Variants in TAS2R1 observed in about 807,000 individuals in gnomAD.
The protein encoded by TAS2R1 is taste 2 receptor member 1.
For missense variants in TAS2R1, 370 were observed against 353.4 expected (o/e 1.05, Z -0.38); for synonymous variants, 141 against 134.2 (o/e 1.05, Z -0.35).
chr5:9,841,830 T>C, the TAS2R1 span, among the ~76,000 whole-genome samples: 1 of 152,236 alleles, frequency 6.6e-6, no homozygotes, highest in Non-Finnish European at 1.5e-5. Context: ...TGGGATTCTC[T>C]AAACTTGATG....
the TAS2R1 span, among the ~76,000 whole-genome samples, chr5:9,852,268 G>C: frequency 3.3e-5 from 5 of 151,854 alleles, no homozygotes; most frequent in South Asian, 1.0e-3. Context: ...AATTATTGAG[G>C]TCCACTAGTT....
At chr5:9,837,077 C>A in the TAS2R1 span, among the ~76,000 whole-genome samples, 3 of 152,256 alleles carry the variant, frequency 2.0e-5, no homozygotes, top group East Asian at 5.8e-4. Context: ...TTTAATGAGG[C>A]TGAGATGCCA....
At chr5:9,696,115 C>G (rs1298910536) in intron 1 of TAS2R1, among the ~76,000 whole-genome samples, 1 of 151,872 alleles carries the variant, frequency 6.6e-6, no homozygotes, top group Non-Finnish European at 1.5e-5. Context: ...TCTCCTATGA[C>G]CCGGTAGAGT....
At position 9,628,303 on chromosome 5, in the gene TAS2R1, C is replaced by A. The variant is rs571594216; in HGVS notation, c.*830G>T. Among the ~76,000 whole-genome samples, 1 of 152,212 alleles carries A rather than the reference C, an allele frequency of 6.6e-6. No individual in the cohort carries two copies. Among genetic ancestry groups the A allele is most frequent in the Non-Finnish European group, 1.5e-5 (1 of 68,006 alleles). On this transcript the variant is annotated 3_prime_UTR_variant, in exon 1 of 1. Coordinates refer to ENST00000382492, the MANE Select transcript of TAS2R1 (RefSeq NM_019599.3). ...GAAGACAGGCAATGCAGGAGGAGTTCCAAATTACCACTCTGGGTTGAAAGG... is the reference window on the plus strand; with the variant it reads ...GAAGACAGGCAATGCAGGAGGAGTTACAAATTACCACTCTGGGTTGAAAGG...
chr5:9,900,659 C>G, the TAS2R1 span, among the ~76,000 whole-genome samples: 1 of 136,248 alleles, frequency 7.3e-6, no homozygotes, highest in Non-Finnish European at 1.5e-5. Flanking sequence ...CTGGCTCTGT[C>G]GCCCAGGCTG....
intron 1 of TAS2R1, among the ~76,000 whole-genome samples, chr5:9,683,792 C>T (rs1004262486): frequency 3.3e-5 from 5 of 152,184 alleles, no homozygotes; most frequent in African/African-American, 1.2e-4. Flanking sequence ...CTTTCTCCTT[C>T]CCCCAACCCC....
At chr5:9,631,720 T>C (rs1420710939), upstream of TAS2R1, among the ~76,000 whole-genome samples, 2 of 152,254 alleles carry the variant, frequency 1.3e-5, no homozygotes, top group South Asian at 2.1e-4. Context: ...TCATAAAGAA[T>C]ACTTAAGATT....
the TAS2R1 span, among the ~76,000 whole-genome samples, chr5:9,768,354 G>C: frequency 3.9e-5 from 6 of 152,048 alleles, no homozygotes; most frequent in Admixed American, 3.9e-4. Context: ...CCTCCCTAAA[G>C]CCTCTCAGTT....
At chr5:9,802,651 C>T in the TAS2R1 span, among the ~76,000 whole-genome samples, 1 of 152,044 alleles carries the variant, frequency 6.6e-6, no homozygotes, top group Non-Finnish European at 1.5e-5. Flanking sequence ...ACCTGTAATC[C>T]CAGCAATTTC....
intron 2 of TAS2R1, among the ~76,000 whole-genome samples, chr5:9,654,807 G>C (rs1740377467): frequency 6.6e-6 from 1 of 152,150 alleles, no homozygotes; most frequent in African/African-American, 2.4e-5. Flanking sequence ...TTACTGGTGA[G>C]ACTGAAAATA....
intron 1 of TAS2R1, among the ~76,000 whole-genome samples, chr5:9,693,547 A>AAAAAAAAAAG: frequency 7.3e-6 from 1 of 136,744 alleles, no homozygotes; most frequent in Admixed American, 8.2e-5. Flanking sequence ...AAAAAAAAAA[A>AAAAAAAAAAG]AGAGAGAGAA....
the TAS2R1 span, among the ~76,000 whole-genome samples, chr5:9,902,169 A>G: frequency 6.6e-6 from 1 of 152,062 alleles, no homozygotes; most frequent in Non-Finnish European, 1.5e-5. Context: ...ATGCTCTACT[A>G]TTTAGCCTTA....
chr5:9,751,471 T>C, the TAS2R1 span, among the ~76,000 whole-genome samples: 6 of 152,190 alleles, frequency 3.9e-5, no homozygotes, highest in African/African-American at 1.4e-4. Context: ...AATAGAGGTA[T>C]GTAAATCTGA....
chr5:9,884,953 T>A, the TAS2R1 span, among the ~76,000 whole-genome samples: 1 of 152,242 alleles, frequency 6.6e-6, no homozygotes, highest in Non-Finnish European at 1.5e-5. Flanking sequence ...TAAATTAATA[T>A]TTCAGCAAAT....
chr5:9,833,297 G>A, the TAS2R1 span, among the ~76,000 whole-genome samples: 2 of 152,174 alleles, frequency 1.3e-5, no homozygotes, highest in East Asian at 1.9e-4. Context: ...TCTTATTTAG[G>A]AATACAATCT....
At chr5:9,669,944 T>C (rs189258631) in intron 1 of TAS2R1, among the ~76,000 whole-genome samples, 50 of 151,884 alleles carry the variant, frequency 3.3e-4, no homozygotes, top group African/African-American at 1.2e-3. Context: ...AAAAAACATA[T>C]AAAAGATCAA....
At chr5:9,701,176 A>T (rs41482) in intron 1 of TAS2R1, among the ~76,000 whole-genome samples, 126,429 of 151,028 alleles carry the variant, frequency 0.84, 53,345 homozygotes, top group African/African-American at 0.93. Flanking sequence ...AAGGGATTCA[A>T]GCTGAACAAG....
At chr5:9,832,824 A>C in the TAS2R1 span, among the ~76,000 whole-genome samples, 88 of 152,316 alleles carry the variant, frequency 5.8e-4, 1 homozygote, top group African/African-American at 2.1e-3. Context: ...GTCTCAATCA[A>C]TTTAGGAAGT....
chr5:9,723,356 G>A, the TAS2R1 span, among the ~76,000 whole-genome samples: 8 of 152,172 alleles, frequency 5.3e-5, no homozygotes, highest in East Asian at 1.5e-3. Flanking sequence ...ATTGTGGACT[G>A]CGGGGCAAAA....
Sources: gnomAD v4.1 joint callset for allele counts (sites outside exome capture counted in the v4.1 genomes callset) on GRCh38, gnomAD v4.1.1 for gene constraint, MANE v1.5 for transcripts, NCBI Gene and HGNC (gene_info 2026-07-23, HGNC 2026-07-21) for gene names.